EFCAB11: variants seen among roughly 807,000 people sequenced by gnomAD.
The protein encoded by EFCAB11 is EF-hand calcium binding domain 11.
EFCAB11 carries 14 observed loss-of-function variants against 23.0 expected under a neutral mutation model. That is an observed-to-expected ratio of 0.61 (90% CI 0.40 to 0.95). The LOEUF (loss-of-function observed/expected upper bound fraction) is 0.95, where lower values mean the gene tolerates loss of function less well. Among genes scored for constraint, EFCAB11 ranks in the 40% least tolerant of loss-of-function variants. The pLI is 0.00. For missense variants in EFCAB11, 198 were observed against 195.8 expected (o/e 1.01, Z -0.07); for synonymous variants, 65 against 66.6 (o/e 0.98, Z 0.11).
chr14:89,878,610 T>C (rs1159291247), intron 5 of EFCAB11, among the ~76,000 whole-genome samples: 3 of 152,178 alleles, frequency 2.0e-5, no homozygotes, highest in East Asian at 3.8e-4. Context: ...TATATGAATG[T>C]CTAAATATAT....
chr14:89,836,297 G>A (rs1465541064), intron 5 of EFCAB11: 1 of 261,678 alleles, frequency 3.8e-6, no homozygotes, highest in Non-Finnish European at 7.6e-6. Context: ...CTTCCATGGA[G>A]CAAGGACTCT....
chr14:89,870,349 G>A (rs1045869836), intron 5 of EFCAB11, among the ~76,000 whole-genome samples: 5 of 152,150 alleles, frequency 3.3e-5, no homozygotes, highest in African/African-American at 1.2e-4. Flanking sequence ...GGAAGGTGGG[G>A]AGATAGACCA....
At chr14:89,909,854 C>T (rs1889615523) in intron 5 of EFCAB11, among the ~76,000 whole-genome samples, 1 of 152,192 alleles carries the variant, frequency 6.6e-6, no homozygotes, top group African/African-American at 2.4e-5. Flanking sequence ...AGAATATGCC[C>T]TCCCTCCTTC....
At chr14:89,909,319 T>A (rs1181138155) in intron 5 of EFCAB11, among the ~76,000 whole-genome samples, 1 of 152,230 alleles carries the variant, frequency 6.6e-6, no homozygotes, top group Admixed American at 6.5e-5. Context: ...GACTCACGCC[T>A]GTAATCCCAG....
At chr14:89,909,303 C>A (rs1025555604) in intron 5 of EFCAB11, among the ~76,000 whole-genome samples, 53 of 152,294 alleles carry the variant, frequency 3.5e-4, no homozygotes, top group African/African-American at 1.2e-3. Context: ...ATCGGCTGGG[C>A]ATGATGACTC....
chr14:89,834,397 A>AAC (rs1887000779), intron 5 of EFCAB11, among the ~76,000 whole-genome samples: 6 of 150,586 alleles, frequency 4.0e-5, no homozygotes, highest in African/African-American at 1.5e-4. Flanking sequence ...AAAAAAAAAA[A>AAC]AAAAAACCTT....
At chr14:89,868,877 C>A (rs1031841823) in intron 5 of EFCAB11, among the ~76,000 whole-genome samples, 2 of 152,180 alleles carry the variant, frequency 1.3e-5, no homozygotes, top group African/African-American at 4.8e-5. Context: ...TGCAAACCTG[C>A]TTTCTTACAG....
At chr14:89,834,339 G>A (rs1886990498) in intron 5 of EFCAB11, among the ~76,000 whole-genome samples, 1 of 116,472 alleles carries the variant, frequency 8.6e-6, no homozygotes, top group Non-Finnish European at 1.6e-5. Context: ...TCGCACCACT[G>A]CACTCCAGCC....
In EFCAB11 at chr14:89,927,761, G is replaced by A. The variant is rs142121583; in HGVS notation, c.410+3780C>T. Among the ~76,000 whole-genome samples the A allele has an allele frequency of 2.7e-3, 408 of 149,844 alleles. 2 individuals are homozygous for A. Among genetic ancestry groups the A allele is most frequent in the African/African-American group, 9.6e-3 (393 of 40,760 alleles). On this transcript the variant is annotated intron_variant, in intron 5 of 5. Transcript: ENST00000316738. ...TTTGAGACGGAGTCTCGCTCTTGTT[G>A]CCCAGGCTGAAGTGCAGTGGCACGA...
chr14:89,924,052 T>C, intron 5 of EFCAB11: 1 of 985,534 alleles, frequency 1.0e-6, no homozygotes, highest in Non-Finnish European at 1.2e-6. Context: ...TGATATAACA[T>C]CTATATAATT....
intron 3 of EFCAB11, among the ~76,000 whole-genome samples, chr14:89,938,888 A>G (rs1890684900): frequency 6.6e-6 from 1 of 151,602 alleles, no homozygotes; most frequent in Admixed American, 6.6e-5. Context: ...GCAGTGAGCC[A>G]AGACCGCGCC....
intron 5 of EFCAB11, among the ~76,000 whole-genome samples, chr14:89,802,222 A>C (rs1260453195): frequency 6.6e-6 from 1 of 151,586 alleles, no homozygotes; most frequent in African/African-American, 2.4e-5. Flanking sequence ...AAAAAAAAAA[A>C]AAGAAAGAAA....
chr14:89,878,237 T>C (rs975759057), intron 5 of EFCAB11, among the ~76,000 whole-genome samples: 6 of 152,194 alleles, frequency 3.9e-5, no homozygotes, highest in African/African-American at 1.2e-4. Context: ...TATGTGGGGT[T>C]TGTATTGCTT....
At chr14:89,936,019 A>T (rs1269542953) in intron 3 of EFCAB11, among the ~76,000 whole-genome samples, 22 of 152,284 alleles carry the variant, frequency 1.4e-4, no homozygotes, top group Non-Finnish European at 1.5e-5. Context: ...AAAAAAGAAA[A>T]AAAAAAACCC....
chr14:89,825,843 G>C (rs1886674582), intron 5 of EFCAB11, among the ~76,000 whole-genome samples: 2 of 152,152 alleles, frequency 1.3e-5, no homozygotes, highest in Admixed American at 1.3e-4. Flanking sequence ...CAGCTATCTG[G>C]ATGCTTGTTA....
At position 89,954,605 on chromosome 14, in the gene EFCAB11, T is replaced by C. The variant is rs147386709; in HGVS notation, c.56A>G (p.Glu19Gly). ...RSRTWEASPS[E>G]HRKWVEVFKA... ...ACCTACTTCCACCCACTTCCTGTGTTCCGAGGGACTGGCTTCCCACGTCCG... is the reference window on the plus strand; with the variant it reads ...ACCTACTTCCACCCACTTCCTGTGTCCCGAGGGACTGGCTTCCCACGTCCG... Residue 19 changes from glutamate to glycine, a missense_variant, in exon 1 of 6, where the codon GAA becomes GGA. Physicochemically the swap from Glu to Gly is moderately conservative, Grantham distance 98. Transcript: ENST00000316738. The C allele has an allele frequency of 6.2e-7, 1 of 1,613,734 alleles. No homozygotes were observed. Among genetic ancestry groups the C allele is most frequent in the African/African-American group, 1.3e-5 (1 of 74,902 alleles).
chr14:89,934,578 T>C (rs919560196), intron 3 of EFCAB11, among the ~76,000 whole-genome samples: 27 of 152,092 alleles, frequency 1.8e-4, no homozygotes, highest in African/African-American at 6.5e-4. Flanking sequence ...ACAGGGCATA[T>C]CTCCCTCACC....
At chr14:89,817,070 C>T (rs546289635) in intron 5 of EFCAB11, among the ~76,000 whole-genome samples, 5 of 151,780 alleles carry the variant, frequency 3.3e-5, no homozygotes, top group African/African-American at 7.2e-5. Context: ...TGAAAATAGG[C>T]AATACTTCAA....
At chr14:89,816,678 C>T (rs1286836390) in intron 5 of EFCAB11, among the ~76,000 whole-genome samples, 1 of 152,078 alleles carries the variant, frequency 6.6e-6, no homozygotes, top group Non-Finnish European at 1.5e-5. Flanking sequence ...CTTTATTTTA[C>T]ATTTTATTTA....
Sources: allele counts gnomAD v4.1 joint callset (sites outside exome capture counted in the v4.1 genomes callset), GRCh38; gene constraint gnomAD v4.1.1; transcripts MANE v1.5; gene names NCBI Gene and HGNC (gene_info 2026-07-23, HGNC 2026-07-21).